GALNTL6: variants seen among roughly 807,000 people sequenced by gnomAD.
GALNTL6 encodes polypeptide N-acetylgalactosaminyltransferase like 6, also known as polypeptide N-acetylgalactosaminyltransferase-like 6.
A neutral mutation model predicts 73.7 loss-of-function variants in GALNTL6; 46 were observed. The ratio of observed to expected loss-of-function variants is 0.62; its 90% CI spans 0.49 to 0.80. The LOEUF (loss-of-function observed/expected upper bound fraction) is 0.80, where lower values mean the gene tolerates loss of function less well. Ranked by LOEUF, GALNTL6 falls within the 30% of genes least tolerant of loss-of-function variation. GALNTL6 has a pLI of 0.00. For missense variants in GALNTL6, 604 were observed against 755.0 expected (o/e 0.80, Z 2.34); for synonymous variants, 259 against 263.7 (o/e 0.98, Z 0.17).
intron 5 of GALNTL6, among the ~76,000 whole-genome samples, chr4:172,482,755 C>G (rs543730324): frequency 5.3e-5 from 8 of 152,314 alleles, no homozygotes; most frequent in African/African-American, 1.9e-4. Flanking sequence ...ATGCCTTCAT[C>G]ATTCATCTTT....
At chr4:172,613,428 A>G (rs35599734) in intron 5 of GALNTL6, among the ~76,000 whole-genome samples, 78,016 of 151,720 alleles carry the variant, frequency 0.51, 22,489 homozygotes, top group East Asian at 0.77. Context: ...AGCAAGGGCT[A>G]CTAGATGTGT....
At chr4:172,241,026 A>G (rs78512527) in intron 3 of GALNTL6, among the ~76,000 whole-genome samples, 1,611 of 152,318 alleles carry the variant, frequency 0.011, 31 homozygotes, top group African/African-American at 0.037. Flanking sequence ...TTATTTCAGA[A>G]CATTTTCAGA....
chr4:172,279,855 A>C (rs1261979254), intron 3 of GALNTL6, among the ~76,000 whole-genome samples: 1 of 152,198 alleles, frequency 6.6e-6, no homozygotes, highest in African/African-American at 2.4e-5. Flanking sequence ...AAATGTATTA[A>C]AAAATTGTAG....
intron 5 of GALNTL6, among the ~76,000 whole-genome samples, chr4:172,352,782 G>T (rs1413034423): frequency 6.6e-6 from 1 of 151,936 alleles, no homozygotes; most frequent in Non-Finnish European, 1.5e-5. Flanking sequence ...GAGGCACACA[G>T]GCGCACACTC....
At chr4:172,815,390 G>A (rs1741543176) in intron 7 of GALNTL6, among the ~76,000 whole-genome samples, 1 of 152,174 alleles carries the variant, frequency 6.6e-6, no homozygotes, top group African/African-American at 2.4e-5. Context: ...ACTGTTATTA[G>A]GTGCTGGCCC....
intron 5 of GALNTL6, among the ~76,000 whole-genome samples, chr4:172,747,837 C>CAAA (rs374876929): frequency 2.3e-5 from 3 of 131,772 alleles, no homozygotes; most frequent in South Asian, 2.3e-4. Context: ...TATTCAGCTT[C>CAAA]AAAAAAAAAA....
At chr4:172,609,151 G>A (rs1200626404) in intron 5 of GALNTL6, among the ~76,000 whole-genome samples, 3 of 151,882 alleles carry the variant, frequency 2.0e-5, no homozygotes, top group Admixed American at 6.6e-5. Context: ...CTGATTGCTC[G>A]GGCTAGAATT....
chr4:172,952,107 A>ACAGG lies in GALNTL6; in HGVS notation c.1223_1226dup (p.His409GlnfsTer36). ...TACATTTACCAGCGGCGGCCGGAGTACAGGCATCTCTCCACGGGGGACATC... is the reference window on the plus strand; with the variant it reads ...TACATTTACCAGCGGCGGCCGGAGTACAGGCAGGCATCTCTCCACGGGGGACATC... On this transcript the variant is annotated frameshift_variant, in exon 10 of 13. Transcript: ENST00000506823. LOFTEE classifies it high-confidence loss of function. The ACAGG allele has an allele frequency of 6.2e-7, 1 of 1,614,114 alleles. No individual in the cohort carries two copies. Among genetic ancestry groups the ACAGG allele is most frequent in the Non-Finnish European group, 8.5e-7 (1 of 1,180,010 alleles).
At position 172,687,646 on chromosome 4, in the gene GALNTL6, T is replaced by A. The variant is rs909468317; in HGVS notation, c.554-121715T>A. On this transcript the variant is annotated intron_variant, in intron 5 of 12. Coordinates refer to ENST00000506823, the MANE Select transcript of GALNTL6 (RefSeq NM_001034845.3). ...GTCTCAAAAAAAAAAAAAAAAAAAA[T>A]TTCTTGAAGCTACTGAACCTTTCCT... 1.3e-3 allele frequency among the ~76,000 whole-genome samples: 182 copies of A among 138,192 alleles called. 1 individual carries two copies. The highest frequency in any genetic ancestry group is 4.1e-3 in the African/African-American group (153 of 37,772). 90.7% of individuals were successfully genotyped at this position (138,192 alleles called of 152,430 possible).
At chr4:171,833,064 G>A (rs1735019716) in intron 2 of GALNTL6, among the ~76,000 whole-genome samples, 1 of 151,542 alleles carries the variant, frequency 6.6e-6, no homozygotes, top group Non-Finnish European at 1.5e-5. Flanking sequence ...CTACCCTAAG[G>A]CCTGTTTCAC....
chr4:172,778,607 C>T (rs11132965), intron 5 of GALNTL6, among the ~76,000 whole-genome samples: 79,304 of 151,696 alleles, frequency 0.52, 21,464 homozygotes, highest in East Asian at 0.77. Context: ...AAAATATTTC[C>T]GAATATGACT....
intron 7 of GALNTL6, among the ~76,000 whole-genome samples, chr4:172,833,399 G>A (rs1286109776): frequency 1.3e-5 from 2 of 152,118 alleles, no homozygotes; most frequent in Non-Finnish European, 2.9e-5. Flanking sequence ...AAAAACTGGG[G>A]AAGGCATCTT....
At chr4:172,952,338 T>C (rs867303498) in intron 10 of GALNTL6, 80 bp downstream of exon 10, 3 of 928,528 alleles carry the variant, frequency 3.2e-6, no homozygotes, top group Middle Eastern at 3.2e-4. Flanking sequence ...TGGGAGGGAC[T>C]GCTAAAACCT....
At chr4:172,641,223 C>A (rs1049265556) in intron 5 of GALNTL6, among the ~76,000 whole-genome samples, 1 of 152,074 alleles carries the variant, frequency 6.6e-6, no homozygotes. Context: ...TCTTTGTAGT[C>A]CATTCTCAAA....
intron 7 of GALNTL6, among the ~76,000 whole-genome samples, chr4:172,818,103 A>G (rs1000172861): frequency 3.9e-5 from 6 of 152,182 alleles, no homozygotes; most frequent in Non-Finnish European, 7.3e-5. Flanking sequence ...CGTTGATGTA[A>G]TGGTTCAATA....
chr4:172,162,140 A>G (rs1262976764), intron 2 of GALNTL6, among the ~76,000 whole-genome samples: 1 of 151,948 alleles, frequency 6.6e-6, no homozygotes, highest in Non-Finnish European at 1.5e-5. Flanking sequence ...TTGTAGTAAA[A>G]TGTATTATAC....
At chr4:172,767,629 G>A (rs920955700) in intron 5 of GALNTL6, among the ~76,000 whole-genome samples, 1 of 150,458 alleles carries the variant, frequency 6.6e-6, no homozygotes, top group African/African-American at 2.4e-5. Flanking sequence ...AATAATTCTA[G>A]GGTTGTTTTT....
chr4:172,626,633 T>G (rs888851016), intron 5 of GALNTL6, among the ~76,000 whole-genome samples: 1 of 151,988 alleles, frequency 6.6e-6, no homozygotes, highest in Non-Finnish European at 1.5e-5. Flanking sequence ...CTGATGAGTA[T>G]GAAATGTTTT....
At position 172,858,819 on chromosome 4, in the gene GALNTL6, G is replaced by A. The variant is rs115809529; in HGVS notation, c.924-23971G>A. Reference sequence around the variant, plus strand: ...CAAAGATGAACAACCAGATAGGAACGTGACTGGGACTTGCAGTAGATAATG... The same window carrying A: ...CAAAGATGAACAACCAGATAGGAACATGACTGGGACTTGCAGTAGATAATG... On this transcript the variant is annotated intron_variant, in intron 7 of 12. Coordinates refer to ENST00000506823, the MANE Select transcript of GALNTL6 (RefSeq NM_001034845.3). Among the ~76,000 whole-genome samples, 438 of 152,184 alleles carry A rather than the reference G, an allele frequency of 2.9e-3. 3 individuals are homozygous for A. The highest frequency in any genetic ancestry group is 9.9e-3 in the African/African-American group (413 of 41,510).
Sources: gnomAD v4.1 joint callset for allele counts (sites outside exome capture counted in the v4.1 genomes callset) on GRCh38, gnomAD v4.1.1 for gene constraint, MANE v1.5 for transcripts, NCBI Gene and HGNC (gene_info 2026-07-23, HGNC 2026-07-21) for gene names.